JAZF1: variants seen among roughly 807,000 people sequenced by gnomAD.
The protein encoded by JAZF1 is juxtaposed with another zinc finger protein 1.
In JAZF1, 8 loss-of-function variants were observed where a neutral mutation model predicts 26.4. That is an observed-to-expected ratio of 0.30 (90% CI 0.18 to 0.55). JAZF1 has a LOEUF of 0.55. Ranked by LOEUF, JAZF1 falls within the 20% of genes least tolerant of loss-of-function variation. JAZF1 has a pLI of 0.94. For synonymous variants in JAZF1, 126 were observed against 122.3 expected, an observed-to-expected ratio of 1.03 and a Z score of -0.20; for missense variants, 199 against 322.0, an observed-to-expected ratio of 0.62 and a Z score of 2.92.
chr7:27,979,191 T>C (rs1785530699), intron 2 of JAZF1, among the ~76,000 whole-genome samples: 1 of 151,918 alleles, frequency 6.6e-6, no homozygotes, highest in Admixed American at 6.6e-5. Flanking sequence ...AAGAATCGAG[T>C]ATAAAAAGGT....
chr7:27,896,302 C>A (rs779130106), intron 2 of JAZF1, among the ~76,000 whole-genome samples: 2 of 150,870 alleles, frequency 1.3e-5, no homozygotes, highest in African/African-American at 5.0e-5. Flanking sequence ...AGATTCAAAA[C>A]AATCTATGAA....
At chr7:28,148,269 C>A (rs1783057279) in intron 1 of JAZF1, among the ~76,000 whole-genome samples, 1 of 152,132 alleles carries the variant, frequency 6.6e-6, no homozygotes, top group Non-Finnish European at 1.5e-5. Context: ...CGGAGTTTCA[C>A]CATGTTGGCC....
chr7:27,966,958 T>C (rs1230105457), intron 2 of JAZF1, among the ~76,000 whole-genome samples: 1 of 152,324 alleles, frequency 6.6e-6, no homozygotes, highest in African/African-American at 2.4e-5. Flanking sequence ...CTTGGCAAGA[T>C]GGTGCAGACT....
chr7:27,837,554 C>T (rs371226297), intron 4 of JAZF1, among the ~76,000 whole-genome samples: 10 of 152,074 alleles, frequency 6.6e-5, no homozygotes, highest in African/African-American at 1.4e-4. Flanking sequence ...AGGGAAATGG[C>T]GCCTCAATGT....
intron 3 of JAZF1, among the ~76,000 whole-genome samples, chr7:27,881,385 C>T (rs1240224547): frequency 2.0e-5 from 3 of 152,220 alleles, no homozygotes; most frequent in Non-Finnish European, 4.4e-5. Flanking sequence ...TTACACGCAA[C>T]ATAGCATAAA....
chr7:28,131,739 G>A (rs553547531), intron 1 of JAZF1, among the ~76,000 whole-genome samples: 5 of 152,142 alleles, frequency 3.3e-5, no homozygotes, highest in East Asian at 1.9e-4. Flanking sequence ...TACCACTCTC[G>A]GAGAGTCAAA....
intron 1 of JAZF1, among the ~76,000 whole-genome samples, chr7:28,108,800 C>G (rs1217117604): frequency 6.6e-6 from 1 of 152,172 alleles, no homozygotes; most frequent in Non-Finnish European, 1.5e-5. Context: ...TGGAAACAAC[C>G]TAAGTGTCCA....
At chr7:27,954,155 C>T (rs1196524520) in intron 2 of JAZF1, among the ~76,000 whole-genome samples, 1 of 152,246 alleles carries the variant, frequency 6.6e-6, no homozygotes, top group Non-Finnish European at 1.5e-5. Context: ...ATTTGTCCTT[C>T]TGTAGTAGCC....
intron 1 of JAZF1, among the ~76,000 whole-genome samples, chr7:28,160,607 C>A (rs1407610707): frequency 6.6e-6 from 1 of 152,170 alleles, no homozygotes; most frequent in Non-Finnish European, 1.5e-5. Context: ...CGTTTTAGTT[C>A]CATCCCAGGA....
At chr7:27,837,752 A>T (rs1407497719) in intron 4 of JAZF1, among the ~76,000 whole-genome samples, 1 of 152,168 alleles carries the variant, frequency 6.6e-6, no homozygotes, top group Non-Finnish European at 1.5e-5. Flanking sequence ...CAACCCAAAA[A>T]TGCCTCTTTG....
At chr7:27,946,374 G>A (rs1784924506) in intron 2 of JAZF1, among the ~76,000 whole-genome samples, 1 of 152,150 alleles carries the variant, frequency 6.6e-6, no homozygotes, top group South Asian at 2.1e-4. Flanking sequence ...TATCTAATAC[G>A]CAATCTGAAG....
Position 28,180,652 on chromosome 7 carries a change from G to A in JAZF1, c.-75C>T, listed in dbSNP as rs1047595629. ...GGCGAGGGAGGGAGGGAGGCCGGGT[G>A]GGGTGAGGAGAGGAGGGGCTGGGGG... is the stretch of plus-strand genomic sequence containing the variant. On this transcript the variant is annotated 5_prime_UTR_variant, in exon 1 of 5. Coordinates refer to ENST00000283928, the MANE Select transcript of JAZF1 (RefSeq NM_175061.4). 6.9e-6 allele frequency: 7 copies of A among 1,019,026 alleles called. No individual in the cohort carries two copies. Among genetic ancestry groups the A allele is most frequent in the Non-Finnish European group, 1.0e-5 (7 of 674,280 alleles). 63.1% of individuals were successfully genotyped at this position (1,019,026 alleles called of 1,614,324 possible). A position where few individuals can be genotyped will look rare whatever the true frequency, so the allele number is the denominator to read the frequency against.
At chr7:27,988,933 A>G (rs1785831064) in intron 2 of JAZF1, among the ~76,000 whole-genome samples, 1 of 150,366 alleles carries the variant, frequency 6.7e-6, no homozygotes, top group Non-Finnish European at 1.5e-5. Context: ...AAAAAAAAAA[A>G]AAAAAAAAAA....
At chr7:28,103,133 T>C (rs1414254232) in intron 1 of JAZF1, among the ~76,000 whole-genome samples, 1 of 152,202 alleles carries the variant, frequency 6.6e-6, no homozygotes, top group Non-Finnish European at 1.5e-5. Context: ...CCCTCCTGGC[T>C]TTTCCTTCCA....
intron 1 of JAZF1, among the ~76,000 whole-genome samples, chr7:28,093,910 G>T (rs1231022101): frequency 6.6e-6 from 1 of 152,226 alleles, no homozygotes; most frequent in Non-Finnish European, 1.5e-5. Flanking sequence ...GTGGGCAGGA[G>T]CCAGGGAGGG....
At position 27,916,547 on chromosome 7, in the gene JAZF1, A is replaced by G. The variant is rs187966283; in HGVS notation, c.189-21131T>C. ...TTGATTCCTTGAACTCAGGGCCAAC[A>G]GTACTATGACTCATGCTGGTGTAAA... On this transcript the variant is annotated intron_variant, in intron 2 of 4. Coordinates refer to ENST00000283928, the MANE Select transcript of JAZF1 (RefSeq NM_175061.4). Among the ~76,000 whole-genome samples the G allele has an allele frequency of 1.2e-3, 182 of 152,320 alleles. 1 individual carries two copies. The highest frequency in any genetic ancestry group is 2.0e-3 in the Non-Finnish European group (139 of 68,020).
chr7:27,921,407 G>C (rs1012153738), intron 2 of JAZF1, among the ~76,000 whole-genome samples: 1 of 151,488 alleles, frequency 6.6e-6, no homozygotes, highest in Non-Finnish European at 1.5e-5. Flanking sequence ...CTGCAGGCCA[G>C]AAGTTTTGTA....
At position 27,846,708 on chromosome 7, in the gene JAZF1, G is replaced by A. The variant is rs533337503; in HGVS notation, c.386-5841C>T. Among the ~76,000 whole-genome samples the A allele has an allele frequency of 6.0e-4, 92 of 152,288 alleles. 1 individual carries two copies. Among genetic ancestry groups the A allele is most frequent in the African/African-American group, 2.2e-3 (90 of 41,558 alleles). Reference sequence around the variant, plus strand: ...TTTGATTGCATTTCTCTGATGCTTAGTGATGCGCACCTTTTCATATCCTGT... The same window carrying A: ...TTTGATTGCATTTCTCTGATGCTTAATGATGCGCACCTTTTCATATCCTGT... On this transcript the variant is annotated intron_variant, in intron 3 of 4. Transcript: ENST00000283928.
At chr7:28,177,273 G>A (rs979983236) in intron 1 of JAZF1, among the ~76,000 whole-genome samples, 1 of 152,098 alleles carries the variant, frequency 6.6e-6, no homozygotes, top group Non-Finnish European at 1.5e-5. Context: ...CTAAAAAAGT[G>A]GGTGGTGAAA....
Sources: gnomAD v4.1 joint callset for allele counts (sites outside exome capture counted in the v4.1 genomes callset) on GRCh38, gnomAD v4.1.1 for gene constraint, MANE v1.5 for transcripts, NCBI Gene and HGNC (gene_info 2026-07-23, HGNC 2026-07-21) for gene names.